Variants in RGS6 observed in about 807,000 individuals in gnomAD.
RGS6 encodes the protein regulator of G-protein signaling 6.
A neutral mutation model predicts 78.5 loss-of-function variants in RGS6; 30 were observed. The observed-to-expected ratio is 0.38, with a 90% confidence interval of 0.29 to 0.52. The LOEUF (loss-of-function observed/expected upper bound fraction) is 0.52. Among genes scored for constraint, RGS6 ranks in the 20% least tolerant of loss-of-function variants. The pLI is 0.85. For missense variants in RGS6, 495 were observed against 609.7 expected, an observed-to-expected ratio of 0.81 and a Z score of 1.98; for synonymous variants, 206 against 206.0, an observed-to-expected ratio of 1.00 and a Z score of 0.00.
chr14:72,550,942 C>T lies in RGS6; in HGVS notation c.1422+10848C>T, dbSNP rs993940789. Among the ~76,000 whole-genome samples, 3 of 152,170 alleles carry T rather than the reference C, an allele frequency of 2.0e-5. No individual in the cohort carries two copies. In the East Asian group the frequency reaches 5.8e-4, roughly 29 times the overall value. ...GCAACCTCCACCTCCCAGGTTTAAGCGATTCTCCTGCCTCAGCCTCCTGAG... is the reference window on the plus strand; with the variant it reads ...GCAACCTCCACCTCCCAGGTTTAAGTGATTCTCCTGCCTCAGCCTCCTGAG... On this transcript the variant is annotated intron_variant, in intron 17 of 17. Transcript: ENST00000553525.
At position 72,547,174 on chromosome 14, in the gene RGS6, T is replaced by G. The variant is rs944318499; in HGVS notation, c.1422+7080T>G. On this transcript the variant is annotated intron_variant, in intron 17 of 17. Coordinates refer to ENST00000553525, the MANE Select transcript of RGS6 (RefSeq NM_001204424.2). ...CTGCCTAGGACAGAGCCTGCCTCAGTCCTGTCCGGGGAGCAGCAGCACCGC... is the reference window on the plus strand; with the variant it reads ...CTGCCTAGGACAGAGCCTGCCTCAGGCCTGTCCGGGGAGCAGCAGCACCGC... The G allele has an allele frequency of 3.3e-6, 5 of 1,534,506 alleles. No individual in the cohort carries two copies. The African/African-American group carries it at 6.9e-5, about 21-fold the overall frequency.
At chr14:72,443,571 C>T (rs1045137047) in intron 3 of RGS6, among the ~76,000 whole-genome samples, 1 of 152,234 alleles carries the variant, frequency 6.6e-6, no homozygotes, top group Non-Finnish European at 1.5e-5. Context: ...CTGCTGTCCT[C>T]AAGAAAGCCT....
At chr14:72,056,971 A>G (rs1015396452) in intron 2 of RGS6, among the ~76,000 whole-genome samples, 1 of 152,118 alleles carries the variant, frequency 6.6e-6, no homozygotes, top group Non-Finnish European at 1.5e-5. Context: ...AAGGTATCAT[A>G]TGTGTTGGCC....
intron 2 of RGS6, among the ~76,000 whole-genome samples, chr14:72,342,473 G>A (rs754496510): frequency 1.3e-5 from 2 of 151,722 alleles, no homozygotes; most frequent in Non-Finnish European, 2.9e-5. Flanking sequence ...AGCTGAGGCA[G>A]GAGAACTGCT....
chr14:72,405,790 G>A (rs1173671216), intron 3 of RGS6, among the ~76,000 whole-genome samples: 1 of 152,100 alleles, frequency 6.6e-6, no homozygotes, highest in Admixed American at 6.6e-5. Flanking sequence ...TCCCTGGCAG[G>A]GGCCTTCTTT....
chr14:71,920,997 A>C, the RGS6 span, among the ~76,000 whole-genome samples: 1 of 152,240 alleles, frequency 6.6e-6, no homozygotes, highest in African/African-American at 2.4e-5. Context: ...AATATATGTG[A>C]AACTCAATAG....
At chr14:72,625,207 T>C in the RGS6 span, among the ~76,000 whole-genome samples, 3 of 152,188 alleles carry the variant, frequency 2.0e-5, no homozygotes, top group Admixed American at 2.0e-4. Context: ...TATTTCCCCT[T>C]TCCCTCTACA....
At chr14:71,872,444 C>T in the RGS6 span, among the ~76,000 whole-genome samples, 1,583 of 152,210 alleles carry the variant, frequency 0.01, 58 homozygotes, top group Admixed American at 0.076. Context: ...TGGAACTTAA[C>T]CCGGATTGAG....
chr14:72,413,227 G>A (rs1946530730), intron 3 of RGS6, among the ~76,000 whole-genome samples: 2 of 152,154 alleles, frequency 1.3e-5, no homozygotes, highest in Non-Finnish European at 2.9e-5. Flanking sequence ...GTCACTAAGG[G>A]CTTGCTTTAT....
intron 2 of RGS6, among the ~76,000 whole-genome samples, chr14:72,054,226 A>T (rs2093492008): frequency 6.6e-6 from 1 of 152,038 alleles, no homozygotes. Context: ...GAATTGTTAA[A>T]TTATACATTG....
chr14:72,020,345 C>A (rs145164369), intron 2 of RGS6, among the ~76,000 whole-genome samples: 14 of 152,290 alleles, frequency 9.2e-5, no homozygotes, highest in Non-Finnish European at 1.9e-4. Flanking sequence ...CCTTTCTTTT[C>A]TGTGTTCAGA....
chr14:72,457,007 C>T (rs561860585), intron 4 of RGS6, among the ~76,000 whole-genome samples: 2 of 150,704 alleles, frequency 1.3e-5, no homozygotes, highest in South Asian at 4.2e-4. Flanking sequence ...TCACTTGAGC[C>T]CAGGAGTTCA....
chr14:72,195,951 A>G (rs550371045), intron 2 of RGS6, among the ~76,000 whole-genome samples: 1 of 152,332 alleles, frequency 6.6e-6, no homozygotes, highest in Admixed American at 6.5e-5. Context: ...GGGGATTTAG[A>G]TAAAGTTTTT....
the RGS6 span, among the ~76,000 whole-genome samples, chr14:72,594,168 A>G: frequency 1.3e-5 from 2 of 152,152 alleles, no homozygotes; most frequent in Non-Finnish European, 2.9e-5. Context: ...AGAGGAGCCC[A>G]GAGCAGGTAA....
At chr14:71,925,581 A>G in the RGS6 span, among the ~76,000 whole-genome samples, 2 of 152,110 alleles carry the variant, frequency 1.3e-5, no homozygotes, top group Admixed American at 6.5e-5. Flanking sequence ...ACTTTTGTCT[A>G]TGGTGTAAGA....
intron 3 of RGS6, among the ~76,000 whole-genome samples, chr14:72,433,112 C>T (rs1246739420): frequency 3.9e-5 from 6 of 152,288 alleles, no homozygotes; most frequent in South Asian, 2.1e-4. Context: ...TGTTGAGACA[C>T]GGTCAGAAAT....
intron 3 of RGS6, among the ~76,000 whole-genome samples, chr14:72,416,294 G>A (rs1265506178): frequency 1.3e-5 from 2 of 152,156 alleles, no homozygotes; most frequent in East Asian, 3.8e-4. Context: ...TGATCTGAAT[G>A]TTCCTATCCC....
intron 2 of RGS6, among the ~76,000 whole-genome samples, chr14:72,137,821 T>G (rs1383227748): frequency 6.6e-6 from 1 of 152,158 alleles, no homozygotes. Context: ...CCCAGTCCTT[T>G]TGGGTTTTTA....
chr14:72,327,201 A>G (rs541527651), intron 2 of RGS6, among the ~76,000 whole-genome samples: 1 of 152,226 alleles, frequency 6.6e-6, no homozygotes, highest in South Asian at 2.1e-4. Flanking sequence ...AATCAATTTT[A>G]AATTAACTTA....
Sources: allele counts gnomAD v4.1 joint callset (sites outside exome capture counted in the v4.1 genomes callset), GRCh38; gene constraint gnomAD v4.1.1; transcripts MANE v1.5; gene names NCBI Gene and HGNC (gene_info 2026-07-23, HGNC 2026-07-21).